The following ZMYM2 variants were observed in gnomAD, a reference collection of about 807,000 sequenced individuals.
ZMYM2 encodes the protein zinc finger MYM-type containing 2, also known as zinc finger MYM-type protein 2.
In ZMYM2, 56 loss-of-function variants were observed where a neutral mutation model predicts 162.8. That is an observed-to-expected ratio of 0.34 (90% confidence interval 0.28 to 0.43). ZMYM2 has a LOEUF of 0.43. Among genes scored for constraint, ZMYM2 ranks in the 20% least tolerant of loss-of-function variants. ZMYM2 has a pLI of 1.00. For synonymous variants in ZMYM2, 510 were observed against 541.6 expected, an observed-to-expected ratio of 0.94 and a Z score of 0.81; for missense variants, 1,275 against 1,621.8, an observed-to-expected ratio of 0.79 and a Z score of 3.67.
At chr13:20,052,411 G>GTTT in intron 14 of ZMYM2, 100 bp downstream of exon 14, 8 of 1,036,938 alleles carry the variant, frequency 7.7e-6, no homozygotes, top group Non-Finnish European at 9.3e-6. Context: ...AATTTTTTTG[G>GTTT]TTTTTTTTTT....
chr13:20,018,121 T>G (rs1278081315), intron 6 of ZMYM2, among the ~76,000 whole-genome samples: 1 of 152,210 alleles, frequency 6.6e-6, no homozygotes, highest in Non-Finnish European at 1.5e-5. Context: ...GGACATTAGC[T>G]GATACCACCC....
chr13:19,870,825 C>T, the ZMYM2 span, among the ~76,000 whole-genome samples: 8 of 151,472 alleles, frequency 5.3e-5, no homozygotes. Context: ...CGGGGTTTCA[C>T]CATGTTGGCC....
intron 12 of ZMYM2, among the ~76,000 whole-genome samples, chr13:20,046,146 G>A (rs1954761483): frequency 6.6e-6 from 1 of 151,746 alleles, no homozygotes; most frequent in African/African-American, 2.4e-5. Context: ...CAGATACTCA[G>A]CAGGCTGAGG....
chr13:20,027,609 A>C (rs1952701794), intron 9 of ZMYM2, among the ~76,000 whole-genome samples: 1 of 152,162 alleles, frequency 6.6e-6, no homozygotes, highest in Non-Finnish European at 1.5e-5. Context: ...AGTTTGAATA[A>C]AATGTGAACC....
chr13:20,019,330 C>T (rs1008444245), intron 6 of ZMYM2, among the ~76,000 whole-genome samples: 1 of 152,068 alleles, frequency 6.6e-6, no homozygotes, highest in African/African-American at 2.4e-5. Context: ...ACTGTTTTAT[C>T]ATCATACCAT....
chr13:19,912,629 T>A, the ZMYM2 span, among the ~76,000 whole-genome samples: 1 of 152,180 alleles, frequency 6.6e-6, no homozygotes, highest in Non-Finnish European at 1.5e-5. Flanking sequence ...CCACTGAGCC[T>A]GGCCCATCAC....
the ZMYM2 span, among the ~76,000 whole-genome samples, chr13:19,940,801 G>A: frequency 6.6e-6 from 1 of 152,044 alleles, no homozygotes; most frequent in African/African-American, 2.4e-5. Flanking sequence ...GTAAACTCTA[G>A]GACAGGAGGT....
chr13:19,915,913 A>G, the ZMYM2 span, among the ~76,000 whole-genome samples: 16 of 149,818 alleles, frequency 1.1e-4, no homozygotes, highest in South Asian at 4.2e-4. Flanking sequence ...AGGCTGGAGT[A>G]CAGTGGCACG....
chr13:20,078,161 T>C (rs1177865055), intron 21 of ZMYM2, among the ~76,000 whole-genome samples: 2 of 152,110 alleles, frequency 1.3e-5, no homozygotes, highest in Non-Finnish European at 2.9e-5. Context: ...ATTTTTTTTT[T>C]CTTGGGCGTA....
At chr13:20,026,363 A>G (rs1566330722) in intron 7 of ZMYM2, 1 of 306,878 alleles carries the variant, frequency 3.3e-6, no homozygotes, top group Non-Finnish European at 5.9e-6. Context: ...ATTCTGTTAA[A>G]CTAAATATAA....
chr13:19,975,896 G>GTATGTATGTAT (rs1555280867), intron 2 of ZMYM2, among the ~76,000 whole-genome samples: 3 of 151,712 alleles, frequency 2.0e-5, no homozygotes, highest in Non-Finnish European at 2.9e-5. Context: ...ATGTATGTAT[G>GTATGTATGTAT]TATGTATGTA....
At chr13:19,884,204 C>CA in the ZMYM2 span, among the ~76,000 whole-genome samples, 1 of 151,994 alleles carries the variant, frequency 6.6e-6, no homozygotes, top group Admixed American at 6.6e-5. Context: ...CCCCAGCTCT[C>CA]AAAAAAATTT....
the ZMYM2 span, among the ~76,000 whole-genome samples, chr13:19,917,332 T>A: frequency 6.6e-6 from 1 of 152,048 alleles, no homozygotes; most frequent in Non-Finnish European, 1.5e-5. Flanking sequence ...CTCACGCCTG[T>A]AATCCCTGCA....
chr13:20,007,908 A>G (rs900232872), intron 6 of ZMYM2, among the ~76,000 whole-genome samples: 2 of 152,096 alleles, frequency 1.3e-5, no homozygotes, highest in African/African-American at 4.8e-5. Flanking sequence ...GGCATGAGCT[A>G]CCACACCTGG....
the ZMYM2 span, among the ~76,000 whole-genome samples, chr13:19,893,181 C>T: frequency 1.3e-5 from 2 of 151,100 alleles, no homozygotes; most frequent in Non-Finnish European, 2.9e-5. Context: ...GCCTGTAATC[C>T]CAGCACTTTG....
intron 7 of ZMYM2, among the ~76,000 whole-genome samples, chr13:20,024,229 G>A (rs530217327): frequency 1.3e-5 from 2 of 152,176 alleles, no homozygotes; most frequent in South Asian, 2.1e-4. Flanking sequence ...CACTGCACCC[G>A]GCCTTCATTC....
At chr13:20,009,449 T>G (rs551664274) in intron 6 of ZMYM2, among the ~76,000 whole-genome samples, 2 of 152,198 alleles carry the variant, frequency 1.3e-5, no homozygotes, top group African/African-American at 2.4e-5. Context: ...TTTAAGTATT[T>G]TTAAGTATAT....
chr13:20,079,536 T>G (rs994784755), intron 21 of ZMYM2, among the ~76,000 whole-genome samples: 1 of 152,082 alleles, frequency 6.6e-6, no homozygotes, highest in Admixed American at 6.6e-5. Flanking sequence ...AGGGCTTTGG[T>G]GCTAAGGGAG....
chr13:20,077,251 T>C (rs941564225), intron 21 of ZMYM2, among the ~76,000 whole-genome samples: 3 of 150,632 alleles, frequency 2.0e-5, no homozygotes, highest in Non-Finnish European at 4.4e-5. Flanking sequence ...ATTTACTGAC[T>C]GTTTACTGCT....
Sources: allele counts gnomAD v4.1 joint callset (sites outside exome capture counted in the v4.1 genomes callset), GRCh38; gene constraint gnomAD v4.1.1; transcripts MANE v1.5; gene names NCBI Gene and HGNC (gene_info 2026-07-23, HGNC 2026-07-21).